Variants in CDC16 observed in about 807,000 individuals in gnomAD.
CDC16 encodes cell division cycle 16.
CDC16 carries 34 observed loss-of-function variants against 87.0 expected under a neutral mutation model. The ratio of observed to expected loss-of-function variants is 0.39; its 90% confidence interval spans 0.30 to 0.52. The LOEUF (loss-of-function observed/expected upper bound fraction) is 0.52. Ranked by LOEUF, CDC16 falls within the 20% of genes least tolerant of loss-of-function variation. The pLI is 0.74. For missense variants in CDC16, 653 were observed against 751.9 expected, an observed-to-expected ratio of 0.87 and a Z score of 1.54; for synonymous variants, 263 against 260.6, an observed-to-expected ratio of 1.01 and a Z score of -0.09.
intron 12 of CDC16, among the ~76,000 whole-genome samples, chr13:114,254,238 TACTA>T (rs1169473955): frequency 1.3e-5 from 2 of 152,226 alleles, no homozygotes; most frequent in African/African-American, 4.8e-5. Context: ...TATGTTTAAT[TACTA>T]ACAAGATAGG....
In CDC16 at chr13:114,235,758, C is replaced by CAT. The variant is rs17337758; in HGVS notation, c.48+627_48+628insTA. ...AAGGGAAAGAAAAGCCATGGTAATG[C>CAT]AGAGTTTTCGGAATTGGGTGCTAAC... On this transcript the variant is annotated intron_variant, in intron 1 of 17. Coordinates refer to ENST00000356221, the MANE Select transcript of CDC16 (RefSeq NM_001078645.3). Among the ~76,000 whole-genome samples, 188 of 152,296 alleles carry CAT rather than the reference C, an allele frequency of 1.2e-3. 4 individuals are homozygous for CAT. In the East Asian group the frequency reaches 0.033, roughly 27 times the overall value.
In CDC16 at chr13:114,234,974, G is replaced by GGCGGC. The variant is rs1555352343; in HGVS notation, c.-110_-109insCGGCG. 1.3e-6 allele frequency: 1 copy of GGCGGC among 778,354 alleles called. No individual in the cohort carries two copies. The highest frequency in any genetic ancestry group is 1.7e-6 in the Non-Finnish European group (1 of 575,590). 48.2% of individuals were successfully genotyped at this position (778,354 alleles called of 1,614,324 possible). On this transcript the variant is annotated 5_prime_UTR_variant, in exon 1 of 18. Coordinates refer to ENST00000356221, the MANE Select transcript of CDC16 (RefSeq NM_001078645.3). ...TCGAGTCCGCGGCCTTCGAGTCCTG[G>GGCGGC]GGCGGCGGCGGCGGCTGCAGGCACG...
chr13:114,240,211 C>CTT (rs60218043), intron 5 of CDC16, among the ~76,000 whole-genome samples: 3,663 of 148,984 alleles, frequency 0.025, 154 homozygotes, highest in African/African-American at 0.086. Flanking sequence ...CTTCCCACAT[C>CTT]TTTTTTTTTT....
chr13:114,239,978 T>C (rs1368882791), intron 5 of CDC16, among the ~76,000 whole-genome samples: 1 of 151,848 alleles, frequency 6.6e-6, no homozygotes, highest in Non-Finnish European at 1.5e-5. Flanking sequence ...TAGTAACTTA[T>C]TAAGTGACAT....
At chr13:114,245,723 C>T (rs2081829896) in intron 9 of CDC16, 1 of 315,946 alleles carries the variant, frequency 3.2e-6, no homozygotes, top group Non-Finnish European at 5.7e-6. Flanking sequence ...CTTGGTGTGA[C>T]AGGCATGAGC....
intron 9 of CDC16, among the ~76,000 whole-genome samples, chr13:114,245,266 C>A (rs559611735): frequency 6.6e-6 from 1 of 151,252 alleles, no homozygotes; most frequent in Non-Finnish European, 1.5e-5. Flanking sequence ...TCTGCCTCCC[C>A]CCCCCTTTTT....
Position 114,240,235 on chromosome 13 carries a change from G to T in CDC16, c.381+745G>T, listed in dbSNP as rs9590493. 9.6e-3 allele frequency among the ~76,000 whole-genome samples: 1,454 copies of T among 151,728 alleles called. 19 individuals carry two copies. Among genetic ancestry groups the T allele is most frequent in the African/African-American group, 0.033 (1,372 of 41,358 alleles). ...TCTTTTTTTTTTAAATTAAGACAGG[G>T]TCTTTGCTTTGTTGTCCAGGCTGGA... is the stretch of plus-strand genomic sequence containing the variant. On this transcript the variant is annotated intron_variant, in intron 5 of 17. Coordinates refer to ENST00000356221, the MANE Select transcript of CDC16 (RefSeq NM_001078645.3).
chr13:114,235,279 C>A (rs2081189603), intron 1 of CDC16, 147 bp downstream of exon 1: 1 of 530,694 alleles, frequency 1.9e-6, no homozygotes, highest in Non-Finnish European at 2.9e-6. Flanking sequence ...GCAGCGCTGT[C>A]TCCGCCTCGC....
In CDC16 at chr13:114,265,251, C is replaced by T. The variant is rs777958988; in HGVS notation, c.1603+11C>T. 4.6e-6 allele frequency: 7 copies of T among 1,523,410 alleles called. No individual in the cohort carries two copies. The highest frequency in any genetic ancestry group is 1.4e-5 in the African/African-American group (1 of 72,580). 94.4% of individuals were successfully genotyped at this position (1,523,410 alleles called of 1,614,324 possible). A position where few individuals can be genotyped will look rare whatever the true frequency, so the allele number is the denominator to read the frequency against. ...CTGAAGCTTATATTGGTAAGATAAT[C>T]GTTATTCTTATTGGTATTGTACTCC... On this transcript the variant is annotated intron_variant, in intron 17 of 17. Coordinates refer to ENST00000356221, the MANE Select transcript of CDC16 (RefSeq NM_001078645.3).
rs2081267422 is a variant in CDC16, at chr13:114,236,658, G to A, written c.62G>A (p.Ser21Asn). The A allele has an allele frequency of 6.2e-6, 10 of 1,610,880 alleles. No homozygotes were observed. The highest frequency in any genetic ancestry group is 8.5e-6 in the Non-Finnish European group (10 of 1,179,280). Residue 21 changes from serine to asparagine, a missense_variant, in exon 2 of 18, where the codon AGT becomes AAT. Physicochemically the swap from Ser to Asn is conservative, Grantham distance 46. Coordinates refer to ENST00000356221, the MANE Select transcript of CDC16 (RefSeq NM_001078645.3). The stretch of plus-strand genomic sequence containing the variant: ...TTTGGTATGCAGCAACAGTATCAAA[G>A]TGCTCTATTTTGGGCAGATAAAGTA... The part of the protein sequence containing the change: ...RQYLDQQQYQ[S>N]ALFWADKVAS...
chr13:114,238,492 G>T (rs4630418), intron 3 of CDC16, among the ~76,000 whole-genome samples: 1,833 of 119,978 alleles, frequency 0.015, 41 homozygotes, highest in Admixed American at 0.084. Context: ...TCACACTCAG[G>T]GCCTGAAGTG....
chr13:114,265,059 TG>T, intron 16 of CDC16, 90 bp from the exon 17 acceptor site: 1 of 949,764 alleles, frequency 1.1e-6, no homozygotes, highest in Non-Finnish European at 1.7e-6. Flanking sequence ...TCCCCCACCC[TG>T]GATGCCCTGG....
At chr13:114,253,699 A>G (rs1157855375) in intron 12 of CDC16, among the ~76,000 whole-genome samples, 1 of 141,970 alleles carries the variant, frequency 7.0e-6, no homozygotes, top group Non-Finnish European at 1.5e-5. Context: ...AAAAAAAAAA[A>G]AAAGAAAAAA....
chr13:114,251,561 T>C (rs923833433), intron 12 of CDC16, among the ~76,000 whole-genome samples: 6 of 152,220 alleles, frequency 3.9e-5, no homozygotes, highest in African/African-American at 1.2e-4. Context: ...TTAGGCTCTT[T>C]TTGTCACTCA....
At chr13:114,258,123 C>A (rs1002410202) in intron 13 of CDC16, among the ~76,000 whole-genome samples, 1 of 152,058 alleles carries the variant, frequency 6.6e-6, no homozygotes, top group Non-Finnish European at 1.5e-5. Flanking sequence ...TCATTTATGG[C>A]ATGTATGTGT....
At chr13:114,238,859 ATTT>A (rs942011767) in intron 3 of CDC16, 128 bp from the exon 4 acceptor site, 7 of 1,128,320 alleles carry the variant, frequency 6.2e-6, no homozygotes, top group African/African-American at 1.6e-5. Context: ...ACAGGACTGG[ATTT>A]TTTTTTTAAC....
At chr13:114,249,775 C>G (rs1054939195) in intron 11 of CDC16, among the ~76,000 whole-genome samples, 10 of 152,110 alleles carry the variant, frequency 6.6e-5, no homozygotes, top group African/African-American at 2.4e-4. Flanking sequence ...GATGTATCTA[C>G]TAGGTTACAA....
At chr13:114,253,351 T>C (rs1373170884) in intron 12 of CDC16, among the ~76,000 whole-genome samples, 1 of 152,180 alleles carries the variant, frequency 6.6e-6, no homozygotes, top group African/African-American at 2.4e-5. Context: ...CTTAATTCCA[T>C]TGTAGTTAGA....
intron 9 of CDC16, 48 bp downstream of exon 9, chr13:114,245,017 C>A (rs1391689469): frequency 8.8e-7 from 1 of 1,131,928 alleles, no homozygotes. Flanking sequence ...TAAAACAAAT[C>A]TTTTCTGTAA....
Sources: allele counts gnomAD v4.1 joint callset (sites outside exome capture counted in the v4.1 genomes callset), GRCh38; gene constraint gnomAD v4.1.1; transcripts MANE v1.5; gene names NCBI Gene and HGNC (gene_info 2026-07-23, HGNC 2026-07-21).